DHRSX: variants seen among roughly 807,000 people sequenced by gnomAD.
The protein encoded by DHRSX is dehydrogenase/reductase X-linked.
Under a neutral mutation model 34.0 loss-of-function variants are expected in DHRSX, and 31 were observed. The ratio of observed to expected loss-of-function variants is 0.91; its 90% confidence interval spans 0.69 to 1.23. The LOEUF (loss-of-function observed/expected upper bound fraction) is 1.23. Ranked by LOEUF, DHRSX falls within the 50% of genes most tolerant of loss-of-function variation. The pLI, the probability that DHRSX is intolerant of heterozygous loss-of-function variation, is 0.00. For synonymous variants in DHRSX, 201 were observed against 183.8 expected (o/e 1.09, Z -0.76); for missense variants, 414 against 428.1 (o/e 0.97, Z 0.29).
At chrX:2,449,466 T>G (rs886270537) in intron 1 of DHRSX, among the ~76,000 whole-genome samples, 2 of 152,112 alleles carry the variant, frequency 1.3e-5, no homozygotes, top group Non-Finnish European at 1.5e-5. Context: ...GGGACACTGA[T>G]TTTCATATTG....
intron 4 of DHRSX, among the ~76,000 whole-genome samples, chrX:2,288,831 C>T (rs2041835387): frequency 6.6e-6 from 1 of 152,170 alleles, no homozygotes; most frequent in South Asian, 2.1e-4. Flanking sequence ...CAAATTCAAC[C>T]CTGTCCCAGT....
intron 3 of DHRSX, among the ~76,000 whole-genome samples, chrX:2,306,213 CT>C (rs751657625): frequency 7.5e-4 from 110 of 146,482 alleles, no homozygotes; most frequent in Middle Eastern, 3.5e-3. Flanking sequence ...CAATCAGCAT[CT>C]TTTTTTTTTT....
chrX:2,402,305 G>A (rs2043496347), intron 3 of DHRSX, among the ~76,000 whole-genome samples: 2 of 152,220 alleles, frequency 1.3e-5, no homozygotes, highest in Non-Finnish European at 2.9e-5. Flanking sequence ...GGAGGTTGTG[G>A]GGACAAGAAT....
Position 2,271,014 on chromosome X carries a change from A to G in DHRSX, c.389-4067T>C, listed in dbSNP as rs147041116. On this transcript the variant is annotated intron_variant, in intron 4 of 6. Transcript: ENST00000334651. Reference sequence around the variant, plus strand: ...GTGGGCGGGGCCAAATAAGGGAATAAAAGCTGGCCACCTGAGCCAGCTTGT... The same window carrying G: ...GTGGGCGGGGCCAAATAAGGGAATAGAAGCTGGCCACCTGAGCCAGCTTGT... 7.9e-3 allele frequency among the ~76,000 whole-genome samples: 1,206 copies of G among 152,188 alleles called. 8 individuals are homozygous for G. The highest frequency in any genetic ancestry group is 0.025 in the African/African-American group (1,039 of 41,520).
At chrX:2,230,220 T>C (rs1001359733) in intron 6 of DHRSX, among the ~76,000 whole-genome samples, 1 of 152,188 alleles carries the variant, frequency 6.6e-6, no homozygotes, top group African/African-American at 2.4e-5. Context: ...CATGTGTGCA[T>C]GTATGTGTGC....
At chrX:2,394,641 G>A (rs1248447587) in intron 3 of DHRSX, among the ~76,000 whole-genome samples, 3 of 152,140 alleles carry the variant, frequency 2.0e-5, no homozygotes, top group Non-Finnish European at 4.4e-5. Context: ...GCTGAGGCGG[G>A]CAGATCACAA....
intron 3 of DHRSX, among the ~76,000 whole-genome samples, chrX:2,303,792 G>GAT (rs1175792426): frequency 3.5e-4 from 16 of 45,982 alleles, no homozygotes; most frequent in Non-Finnish European, 9.4e-4. Context: ...TGGATGGATG[G>GAT]GTGGGTGGGT....
intron 4 of DHRSX, among the ~76,000 whole-genome samples, chrX:2,271,477 A>G (rs1021892302): frequency 2.0e-5 from 3 of 152,212 alleles, no homozygotes; most frequent in Non-Finnish European, 4.4e-5. Context: ...ACCTGCACAC[A>G]CTTTCCAGCC....
rs372626416 is a variant in DHRSX at position 2,283,843 on chromosome X, T to C, written c.388+7659A>G. 3.3e-5 allele frequency among the ~76,000 whole-genome samples: 5 copies of C among 152,364 alleles called. No individual in the cohort carries two copies. The East Asian group carries it at 7.7e-4, about 23-fold the overall frequency. On this transcript the variant is annotated intron_variant, in intron 4 of 6. Coordinates refer to ENST00000334651, the MANE Select transcript of DHRSX (RefSeq NM_145177.3). ...TTGAATTCATTCATTCACTTGAATT[T>C]ATTCATTTAAATTCACTCATTTGAA...
intron 5 of DHRSX, chrX:2,261,776 A>G (rs2041366893): frequency 6.6e-6 from 1 of 152,186 alleles, no homozygotes; most frequent in African/African-American, 2.4e-5. Context: ...ATCTGAAAAA[A>G]AAAATGAGTA....
At chrX:2,403,665 G>A (rs2124633096) in intron 3 of DHRSX, among the ~76,000 whole-genome samples, 1 of 152,162 alleles carries the variant, frequency 6.6e-6, no homozygotes, top group South Asian at 2.1e-4. Context: ...GACAAGCCTG[G>A]CTAACACGGT....
intron 5 of DHRSX, among the ~76,000 whole-genome samples, chrX:2,257,119 C>A (rs2041290515): frequency 6.6e-6 from 1 of 152,116 alleles, no homozygotes; most frequent in African/African-American, 2.4e-5. Context: ...CCACGCCCAG[C>A]TAATTTTTGT....
chrX:2,247,243 A>G (rs747390146), intron 5 of DHRSX, among the ~76,000 whole-genome samples: 1 of 152,130 alleles, frequency 6.6e-6, no homozygotes, highest in East Asian at 1.9e-4. Context: ...GCCACTGTAC[A>G]TGGCCCTGGT....
intron 1 of DHRSX, among the ~76,000 whole-genome samples, chrX:2,464,046 T>A (rs1255191236): frequency 1.3e-5 from 2 of 152,038 alleles, no homozygotes; most frequent in Non-Finnish European, 2.9e-5. Context: ...ACTGGAGACG[T>A]TCCCTAAGTA....
chrX:2,357,145 G>T (rs1277802264), intron 3 of DHRSX, among the ~76,000 whole-genome samples: 1 of 152,090 alleles, frequency 6.6e-6, no homozygotes, highest in Non-Finnish European at 1.5e-5. Flanking sequence ...TCAGGAGGCT[G>T]AGGCAGGAGA....
intron 4 of DHRSX, among the ~76,000 whole-genome samples, chrX:2,283,182 G>A (rs966701080): frequency 3.9e-5 from 6 of 151,978 alleles, no homozygotes; most frequent in Admixed American, 3.9e-4. Flanking sequence ...GAGGCTATGG[G>A]ACGGACGCCC....
At chrX:2,322,474 G>T (rs2042323482) in intron 3 of DHRSX, among the ~76,000 whole-genome samples, 1 of 151,380 alleles carries the variant, frequency 6.6e-6, no homozygotes, top group South Asian at 2.1e-4. Context: ...ACTTGAACGT[G>T]GGAGGCGTAG....
chrX:2,253,186 G>A (rs2016474137), intron 5 of DHRSX, among the ~76,000 whole-genome samples: 1 of 152,190 alleles, frequency 6.6e-6, no homozygotes, highest in South Asian at 2.1e-4. Context: ...AGTGAGCCAA[G>A]ATGGCGCCAC....
At chrX:2,350,706 T>C (rs2042779047) in intron 3 of DHRSX, among the ~76,000 whole-genome samples, 1 of 152,198 alleles carries the variant, frequency 6.6e-6, no homozygotes, top group South Asian at 2.1e-4. Flanking sequence ...GACCGTATTA[T>C]ACATGTAACA....
Sources: allele counts gnomAD v4.1 joint callset (sites outside exome capture counted in the v4.1 genomes callset), GRCh38; gene constraint gnomAD v4.1.1; transcripts MANE v1.5; gene names NCBI Gene and HGNC (gene_info 2026-07-23, HGNC 2026-07-21).